Variants in FRMD4B observed in about 807,000 individuals in gnomAD.
The protein encoded by FRMD4B is FERM domain-containing protein 4B.
A neutral mutation model predicts 141.5 loss-of-function variants in FRMD4B; 74 were observed. That is an observed-to-expected ratio of 0.52 (90% CI 0.43 to 0.63). The LOEUF is 0.63. Among genes scored for constraint, FRMD4B ranks in the 30% least tolerant of loss-of-function variants. The probability of loss-of-function intolerance (pLI) is 0.00; values close to 1 mark genes in which losing one functional copy is unlikely to be tolerated. For missense variants in FRMD4B, 1,366 were observed against 1,253.4 expected (o/e 1.09, Z -1.36); for synonymous variants, 506 against 467.9 (o/e 1.08, Z -1.05).
intron 7 of FRMD4B, among the ~76,000 whole-genome samples, chr3:69,243,708 A>G (rs1279287210): frequency 6.6e-6 from 1 of 152,236 alleles, no homozygotes; most frequent in African/African-American, 2.4e-5. Flanking sequence ...TGGAGATAAT[A>G]GCTAATGTGG....
intron 11 of FRMD4B, among the ~76,000 whole-genome samples, chr3:69,205,221 C>G (rs1418835241): frequency 1.3e-5 from 2 of 150,810 alleles, no homozygotes; most frequent in Non-Finnish European, 3.0e-5. Context: ...AGCTGGAGTA[C>G]AGTGGCATGA....
At chr3:69,332,742 ATTTTTTTTTT>A (rs58437578) in intron 1 of FRMD4B, among the ~76,000 whole-genome samples, 14 of 67,510 alleles carry the variant, frequency 2.1e-4, no homozygotes, top group East Asian at 6.0e-4. Context: ...ACACCTGGCT[ATTTTTTTTTT>A]TTTTTTTTTT....
intron 5 of FRMD4B, 43 bp downstream of exon 5, chr3:69,287,709 C>T (rs778572275): frequency 2.3e-5 from 22 of 953,176 alleles, no homozygotes; most frequent in African/African-American, 1.9e-4. Context: ...TCATCCCAGT[C>T]GCTCTGGAGG....
chr3:69,190,638 C>A (rs1274490266), intron 17 of FRMD4B, among the ~76,000 whole-genome samples: 1 of 152,160 alleles, frequency 6.6e-6, no homozygotes, highest in Non-Finnish European at 1.5e-5. Context: ...TGGTCTTGAA[C>A]TCCTGGGCTC....
chr3:69,526,472 G>A (rs932100769), intron 1 of FRMD4B, among the ~76,000 whole-genome samples: 2 of 152,060 alleles, frequency 1.3e-5, no homozygotes, highest in Non-Finnish European at 2.9e-5. Context: ...ATAAGACACC[G>A]CTGTGGAGTA....
chr3:69,189,222 CAA>C (rs71115659), intron 18 of FRMD4B, among the ~76,000 whole-genome samples: 2,246 of 39,478 alleles, frequency 0.057, 6 homozygotes, highest in East Asian at 0.088. Context: ...AACTCCATCT[CAA>C]AAAAAAAAAA....
intron 7 of FRMD4B, among the ~76,000 whole-genome samples, chr3:69,231,398 C>T (rs1324932149): frequency 2.0e-5 from 3 of 152,224 alleles, no homozygotes; most frequent in African/African-American, 4.8e-5. Flanking sequence ...AACGATTCTC[C>T]TTCCTCAGCC....
In FRMD4B at chr3:69,212,029, C is replaced by CT. The variant is rs1315002221; in HGVS notation, c.876+4233_876+4234insA. Among the ~76,000 whole-genome samples the CT allele has an allele frequency of 3.4e-5, 5 of 148,412 alleles. No homozygotes were observed. The South Asian group carries it at 8.5e-4, about 25-fold the overall frequency. On this transcript the variant is annotated intron_variant, in intron 11 of 22. Coordinates refer to ENST00000398540, the MANE Select transcript of FRMD4B (RefSeq NM_015123.3). ...TAAACAATGGCACAGAGTAGACACC[C>CT]CCCAAAAAAAAAAACGGAGAAAGAG...
At chr3:69,182,768 C>G (rs2092722072) in intron 19 of FRMD4B, 51 bp from the exon 20 acceptor site, 1 of 1,582,918 alleles carries the variant, frequency 6.3e-7, no homozygotes, top group Non-Finnish European at 8.6e-7. Flanking sequence ...CTCAACATCT[C>G]TGGCAAACTT....
intron 1 of FRMD4B, among the ~76,000 whole-genome samples, chr3:69,532,271 G>A (rs1267323156): frequency 6.6e-6 from 1 of 152,112 alleles, no homozygotes; most frequent in Non-Finnish European, 1.5e-5. Flanking sequence ...TATTTGATAT[G>A]ACAAGTTACA....
chr3:69,287,102 C>T (rs1181685380), intron 5 of FRMD4B, among the ~76,000 whole-genome samples: 4 of 152,158 alleles, frequency 2.6e-5, no homozygotes, highest in Admixed American at 6.5e-5. Context: ...CATGCTCGGC[C>T]GTAAAAACGT....
At chr3:69,221,990 A>C in intron 8 of FRMD4B, 67 bp from the exon 9 acceptor site, 2 of 830,278 alleles carry the variant, frequency 2.4e-6, no homozygotes, top group Non-Finnish European at 4.1e-6. Context: ...CAGTTTCCAC[A>C]TTATCAGGTG....
intron 1 of FRMD4B, among the ~76,000 whole-genome samples, chr3:69,526,569 G>A (rs902664693): frequency 2.6e-5 from 4 of 152,088 alleles, no homozygotes; most frequent in African/African-American, 4.8e-5. Flanking sequence ...TTTGAATTCC[G>A]GCTTCATCAC....
intron 1 of FRMD4B, among the ~76,000 whole-genome samples, chr3:69,341,079 T>C (rs141634636): frequency 3.1e-4 from 47 of 152,320 alleles, no homozygotes; most frequent in African/African-American, 1.1e-3. Flanking sequence ...ATATAATAGT[T>C]AAAAGTGTCA....
At chr3:69,347,369 A>T (rs1422858335) in intron 1 of FRMD4B, among the ~76,000 whole-genome samples, 1 of 152,212 alleles carries the variant, frequency 6.6e-6, no homozygotes, top group Non-Finnish European at 1.5e-5. Context: ...TTAGACTCCC[A>T]CACAATAATA....
At chr3:69,200,432 A>C in intron 11 of FRMD4B, 1 of 996,116 alleles carries the variant, frequency 1.0e-6, no homozygotes, top group African/African-American at 1.7e-5. Flanking sequence ...AGGTTCCAAA[A>C]ATGGGACAGA....
intron 1 of FRMD4B, among the ~76,000 whole-genome samples, chr3:69,531,930 C>T (rs1040589224): frequency 3.3e-5 from 5 of 152,324 alleles, no homozygotes; most frequent in East Asian, 1.9e-4. Flanking sequence ...AGTAAAAGAG[C>T]AGCTAGACTG....
At chr3:69,280,512 A>G (rs1160843229) in intron 5 of FRMD4B, among the ~76,000 whole-genome samples, 1 of 152,188 alleles carries the variant, frequency 6.6e-6, no homozygotes, top group Non-Finnish European at 1.5e-5. Flanking sequence ...GAAGCACCTT[A>G]TTAACTACCA....
chr3:69,304,490 A>AC (rs1447390547), intron 3 of FRMD4B, among the ~76,000 whole-genome samples: 8 of 151,154 alleles, frequency 5.3e-5, no homozygotes, highest in African/African-American at 2.0e-4. Context: ...TCTCAAAAAA[A>AC]AAAAAAAAAA....
Sources: allele counts gnomAD v4.1 joint callset (sites outside exome capture counted in the v4.1 genomes callset), GRCh38; gene constraint gnomAD v4.1.1; transcripts MANE v1.5; gene names NCBI Gene and HGNC (gene_info 2026-07-23, HGNC 2026-07-21).